Variants in LRRC28 observed in about 807,000 individuals in gnomAD.
LRRC28 encodes leucine rich repeat containing 28, also known as leucine-rich repeat-containing protein 28.
A neutral mutation model predicts 45.7 loss-of-function variants in LRRC28; 39 were observed. The observed-to-expected ratio is 0.85, with a 90% CI of 0.66 to 1.12. The LOEUF (loss-of-function observed/expected upper bound fraction) is 1.12, where lower values mean the gene tolerates loss of function less well. Ranked by LOEUF, LRRC28 falls within the 50% of genes most tolerant of loss-of-function variation. The pLI is 0.00. For missense variants in LRRC28, 435 were observed against 438.5 expected, an observed-to-expected ratio of 0.99 and a Z score of 0.07; for synonymous variants, 206 against 178.8, an observed-to-expected ratio of 1.15 and a Z score of -1.22.
At position 99,354,985 on chromosome 15, in the gene LRRC28, G is replaced by C. The variant is rs1231230898; in HGVS notation, c.695+2514G>C. ...GTGGGACAATATAAGAAAAGTCTGA[G>C]ATATATACGTATTTATCTCAGATTC... On this transcript the variant is annotated intron_variant, in intron 7 of 9. Transcript: ENST00000301981. Among the ~76,000 whole-genome samples, 11 of 152,292 alleles carry C rather than the reference G, an allele frequency of 7.2e-5. No individual in the cohort carries two copies. In the South Asian group the frequency reaches 1.0e-3, roughly 14 times the overall value.
At chr15:99,287,668 TA>T (rs1196279663) in intron 4 of LRRC28, 145 bp from the exon 5 acceptor site, 1 of 752,264 alleles carries the variant, frequency 1.3e-6, no homozygotes, top group African/African-American at 1.8e-5. Context: ...TTCATGAACT[TA>T]GTTTGATCTG....
chr15:99,289,603 G>A (rs72758811), intron 5 of LRRC28, among the ~76,000 whole-genome samples: 4,186 of 152,252 alleles, frequency 0.027, 75 homozygotes, highest in Non-Finnish European at 0.044. Context: ...TAGACTTTAT[G>A]TTCTGGCCTT....
intron 6 of LRRC28, among the ~76,000 whole-genome samples, chr15:99,350,380 A>C (rs1471551273): frequency 6.6e-6 from 1 of 151,984 alleles, no homozygotes; most frequent in Non-Finnish European, 1.5e-5. Flanking sequence ...ATGTTAACCC[A>C]CCCTACCCTC....
At chr15:99,358,056 C>T (rs1412559580) in intron 7 of LRRC28, among the ~76,000 whole-genome samples, 2 of 152,046 alleles carry the variant, frequency 1.3e-5, no homozygotes, top group Non-Finnish European at 2.9e-5. Context: ...CTAGAAAACT[C>T]AAGATATGCT....
chr15:99,348,167 A>G (rs1037232405), intron 6 of LRRC28, among the ~76,000 whole-genome samples: 3 of 152,088 alleles, frequency 2.0e-5, no homozygotes, highest in Admixed American at 6.5e-5. Flanking sequence ...TAAATTTTGT[A>G]TATTAACCTC....
chr15:99,313,650 T>C (rs550800565), intron 5 of LRRC28, among the ~76,000 whole-genome samples: 1 of 152,344 alleles, frequency 6.6e-6, no homozygotes, highest in African/African-American at 2.4e-5. Context: ...GCAGGTTTGC[T>C]AGCAACTAAT....
rs532772682 is a variant in LRRC28 at position 99,329,474 on chromosome 15, G to A, written c.386-4449G>A. Among the ~76,000 whole-genome samples the A allele has an allele frequency of 4.6e-5, 7 of 152,202 alleles. No homozygotes were observed. In the South Asian group the frequency reaches 1.0e-3, roughly 23 times the overall value. On this transcript the variant is annotated intron_variant, in intron 5 of 9. Transcript: ENST00000301981. ...TTGTTATGCTGAGCATTCCATCTTC[G>A]CATAATTTCCAACACTGGAGGTATA...
intron 5 of LRRC28, among the ~76,000 whole-genome samples, chr15:99,288,544 G>A (rs953882717): frequency 6.6e-6 from 1 of 151,944 alleles, no homozygotes; most frequent in African/African-American, 2.4e-5. Flanking sequence ...ACCACACCCA[G>A]CTAATTTTTG....
chr15:99,285,452 A>G (rs1018052702), intron 3 of LRRC28: 9 of 831,846 alleles, frequency 1.1e-5, no homozygotes, highest in Non-Finnish European at 1.5e-5. Context: ...ATGACCACAC[A>G]GTCCGTGAGC....
chr15:99,374,767 A>G (rs1258899533), intron 9 of LRRC28, among the ~76,000 whole-genome samples: 1 of 151,212 alleles, frequency 6.6e-6, no homozygotes, highest in Non-Finnish European at 1.5e-5. Flanking sequence ...TCCTGGGTTC[A>G]CACCATTCTC....
chr15:99,309,342 A>T (rs1955142418), intron 5 of LRRC28, among the ~76,000 whole-genome samples: 1 of 152,066 alleles, frequency 6.6e-6, no homozygotes, highest in South Asian at 2.1e-4. Flanking sequence ...TCTGAATTCT[A>T]CCCCAGTTTA....
intron 5 of LRRC28, among the ~76,000 whole-genome samples, chr15:99,307,391 T>G (rs1955225724): frequency 6.6e-6 from 1 of 152,176 alleles, no homozygotes; most frequent in African/African-American, 2.4e-5. Flanking sequence ...GAAAGAATAC[T>G]AAACATCAAA....
intron 2 of LRRC28, chr15:99,258,267 A>G (rs2081084683): frequency 1.8e-5 from 29 of 1,568,092 alleles, no homozygotes; most frequent in South Asian, 1.8e-4. Context: ...TCAAAACACA[A>G]CAACGATACC....
chr15:99,264,210 A>G (rs969379018), intron 2 of LRRC28, among the ~76,000 whole-genome samples: 3 of 152,250 alleles, frequency 2.0e-5, no homozygotes, highest in Non-Finnish European at 4.4e-5. Flanking sequence ...CTGATTGGCT[A>G]AACATTTAAA....
At chr15:99,259,914 C>T in intron 2 of LRRC28, 1 of 704,314 alleles carries the variant, frequency 1.4e-6, no homozygotes, top group Admixed American at 2.1e-5. Flanking sequence ...CCTGAGGAGA[C>T]AGCAGAAGAC....
chr15:99,368,597 T>C (rs951138397), intron 9 of LRRC28, among the ~76,000 whole-genome samples: 5 of 152,200 alleles, frequency 3.3e-5, no homozygotes, highest in Non-Finnish European at 7.3e-5. Context: ...GTATAACATA[T>C]GTTTGCATCT....
rs1275720288 is a variant in LRRC28, at chr15:99,258,486, T to G, written c.168+2361T>G. On this transcript the variant is annotated intron_variant, in intron 2 of 9. Transcript: ENST00000301981. ...TATGGAGCAGCAAGACTGAAACTGTTAAGGAGCCATGAAGGAAGAAGCAGC... is the reference window on the plus strand; with the variant it reads ...TATGGAGCAGCAAGACTGAAACTGTGAAGGAGCCATGAAGGAAGAAGCAGC... 3.9e-6 allele frequency: 3 copies of G among 772,758 alleles called. No individual in the cohort carries two copies. In the African/African-American group the frequency reaches 5.2e-5, roughly 13 times the overall value. The allele number at this position is 772,758 out of a possible 1,614,324, so 47.9% of individuals were successfully genotyped here.
intron 5 of LRRC28, among the ~76,000 whole-genome samples, chr15:99,319,730 C>CT (rs1340325414): frequency 6.6e-6 from 1 of 151,782 alleles, no homozygotes; most frequent in Non-Finnish European, 1.5e-5. Context: ...AGCTTGGCAC[C>CT]TAGACATAAA....
intron 5 of LRRC28, among the ~76,000 whole-genome samples, chr15:99,318,145 A>T (rs1317141378): frequency 6.6e-6 from 1 of 152,188 alleles, no homozygotes; most frequent in Non-Finnish European, 1.5e-5. Context: ...TTTGAGATTT[A>T]AAAAAATTTT....
Sources: allele counts gnomAD v4.1 joint callset (sites outside exome capture counted in the v4.1 genomes callset), GRCh38; gene constraint gnomAD v4.1.1; transcripts MANE v1.5; gene names NCBI Gene and HGNC (gene_info 2026-07-23, HGNC 2026-07-21).